Variants in EMB observed in about 807,000 individuals in gnomAD.
The protein encoded by EMB is embigin homolog.
EMB carries 31 observed loss-of-function variants against 41.4 expected under a neutral mutation model. That is an observed-to-expected ratio of 0.75 (90% confidence interval 0.56 to 1.01). The LOEUF is 1.01. EMB is among the 50% of genes least tolerant of loss of function. EMB has a pLI of 0.00. For missense variants in EMB, 379 were observed against 388.3 expected (o/e 0.98, Z 0.20); for synonymous variants, 137 against 140.4 (o/e 0.98, Z 0.17).
At chr5:50,442,783 C>T (rs868732560), upstream of EMB, among the ~76,000 whole-genome samples, 3 of 152,162 alleles carry the variant, frequency 2.0e-5, no homozygotes, top group African/African-American at 2.4e-5. Flanking sequence ...GCACACATTT[C>T]CCTATAATTA....
chr5:50,399,435 T>C (rs1483918705), intron 8 of EMB, 145 bp from the exon 9 acceptor site: 12 of 1,221,288 alleles, frequency 9.8e-6, no homozygotes, highest in African/African-American at 4.7e-5. Flanking sequence ...CTAATGTTGA[T>C]GAACTAAAAA....
At chr5:50,421,414 T>C (rs994148406) in intron 2 of EMB, among the ~76,000 whole-genome samples, 1 of 152,092 alleles carries the variant, frequency 6.6e-6, no homozygotes, top group South Asian at 2.1e-4. Context: ...GGAGAGGATG[T>C]GGAGAAATAG....
rs199814350 is a variant in EMB at position 50,397,479 on chromosome 5, G to C, written c.*1794C>G. ...CTTGAAAATTGTATGAGCCTCAATG[G>C]TTAGTGGTGGTAAAATGGAAGAATG... is the stretch of plus-strand genomic sequence containing the variant. On this transcript the variant is annotated 3_prime_UTR_variant, in exon 9 of 9. Transcript: ENST00000303221. The C allele has an allele frequency of 6.6e-6, 1 of 152,112 alleles. No homozygotes were observed. Among genetic ancestry groups the C allele is most frequent in the East Asian group, 1.9e-4 (1 of 5,180 alleles). The allele number at this position is 152,112 out of a possible 1,614,324, so 9.4% of individuals were successfully genotyped here. A position where few individuals can be genotyped will look rare whatever the true frequency, so the allele number is the denominator to read the frequency against.
chr5:50,440,599 A>T (rs1050261842), intron 1 of EMB, among the ~76,000 whole-genome samples: 2 of 150,372 alleles, frequency 1.3e-5, no homozygotes, highest in African/African-American at 2.4e-5. Flanking sequence ...GGAGGGAAGG[A>T]GGTGATACTC....
chr5:50,396,320 G>A lies in EMB; in HGVS notation c.*2953C>T, dbSNP rs572740666. On this transcript the variant is annotated 3_prime_UTR_variant, in exon 9 of 9. Coordinates refer to ENST00000303221, the MANE Select transcript of EMB (RefSeq NM_198449.3). ...TTAATTTTTATTTATACATTCATCC[G>A]TTCAATACACATTTCAAGAAAGCTG... 3.1e-4 allele frequency: 47 copies of A among 152,024 alleles called. 1 individual carries two copies. The highest frequency in any genetic ancestry group is 9.2e-4 in the African/African-American group (38 of 41,468). 9.4% of individuals were successfully genotyped at this position (152,024 alleles called of 1,614,324 possible). A position where few individuals can be genotyped will look rare whatever the true frequency, so the allele number is the denominator to read the frequency against.
chr5:50,420,420 T>C (rs571355687), intron 2 of EMB, among the ~76,000 whole-genome samples: 1 of 152,342 alleles, frequency 6.6e-6, no homozygotes, highest in East Asian at 1.9e-4. Flanking sequence ...GTGCTAACCA[T>C]GCAGACACTC....
intron 2 of EMB, among the ~76,000 whole-genome samples, chr5:50,413,069 C>T (rs368533453): frequency 9.2e-5 from 14 of 152,160 alleles, no homozygotes; most frequent in Non-Finnish European, 1.9e-4. Context: ...CACGCGCCCA[C>T]GCGCACACAC....
rs1224058494 is a variant in EMB, at chr5:50,398,467, CA to C, written c.*805del. 6.6e-6 allele frequency: 1 copy of C among 151,928 alleles called. No individual in the cohort carries two copies. Among genetic ancestry groups the C allele is most frequent in the Non-Finnish European group, 1.5e-5 (1 of 67,948 alleles). 9.4% of individuals were successfully genotyped at this position (151,928 alleles called of 1,614,324 possible). A position where few individuals can be genotyped will look rare whatever the true frequency, so the allele number is the denominator to read the frequency against. Reference sequence around the variant, plus strand: ...CAAAGAACCAGGAAACCATGAGCCACAAAAGCATCAGTGTAGCAGTGTTTTA... The same window carrying C: ...CAAAGAACCAGGAAACCATGAGCCACAAAGCATCAGTGTAGCAGTGTTTTA... On this transcript the variant is annotated 3_prime_UTR_variant, in exon 9 of 9. Coordinates refer to ENST00000303221, the MANE Select transcript of EMB (RefSeq NM_198449.3).
intron 1 of EMB, among the ~76,000 whole-genome samples, chr5:50,437,970 A>C (rs1253444856): frequency 6.6e-6 from 1 of 152,220 alleles, no homozygotes; most frequent in Non-Finnish European, 1.5e-5. Context: ...ATTTAATCAA[A>C]AAACCTTAAA....
intron 2 of EMB, among the ~76,000 whole-genome samples, chr5:50,416,452 T>C (rs1199765162): frequency 6.6e-6 from 1 of 152,200 alleles, no homozygotes; most frequent in African/African-American, 2.4e-5. Context: ...CTTGGGTCTA[T>C]TCAGGACCCA....
chr5:50,428,118 C>T (rs1745650835), intron 2 of EMB, 26 bp downstream of exon 2: 2 of 1,516,246 alleles, frequency 1.3e-6, no homozygotes, highest in African/African-American at 1.4e-5. Context: ...TTTCGAATTG[C>T]ATTATTTGAA....
chr5:50,434,865 G>A (rs1353130824), intron 1 of EMB, among the ~76,000 whole-genome samples: 1 of 152,128 alleles, frequency 6.6e-6, no homozygotes, highest in African/African-American at 2.4e-5. Flanking sequence ...GTGTTGTGAG[G>A]TTTGTTCTCC....
rs772660986 is a variant in EMB at position 50,411,269 on chromosome 5, T to C, written c.311A>G (p.Lys104Arg). ...GDLNAVNVTW[K>R]KDGEQLENNY... Reference sequence around the variant, plus strand: ...ATTCTCAAGTTGTTCACCATCTTTTTTCCAAGTCACATTTACTGCATTCAA... The same window carrying C: ...ATTCTCAAGTTGTTCACCATCTTTTCTCCAAGTCACATTTACTGCATTCAA... Residue 104 changes from lysine to arginine, a missense_variant, in exon 3 of 9, where the codon AAA becomes AGA. Physicochemically the swap from Lys to Arg is conservative, Grantham distance 26. Coordinates refer to ENST00000303221, the MANE Select transcript of EMB (RefSeq NM_198449.3). The C allele has an allele frequency of 1.2e-6, 2 of 1,613,142 alleles. No individual in the cohort carries two copies. Among genetic ancestry groups the C allele is most frequent in the Non-Finnish European group, 1.7e-6 (2 of 1,179,418 alleles).
chr5:50,434,502 G>A (rs1335970691), intron 1 of EMB, among the ~76,000 whole-genome samples: 10 of 152,146 alleles, frequency 6.6e-5, no homozygotes, highest in Admixed American at 4.6e-4. Flanking sequence ...CTGGAGGGAC[G>A]CTGAAATGCA....
chr5:50,418,099 TATTTA>T (rs1166937632), intron 2 of EMB, among the ~76,000 whole-genome samples: 5 of 152,258 alleles, frequency 3.3e-5, no homozygotes, highest in South Asian at 2.1e-4. Context: ...AACAATGCAG[TATTTA>T]ATTTGAGACA....
At chr5:50,422,375 G>A (rs1745539325) in intron 2 of EMB, among the ~76,000 whole-genome samples, 1 of 152,130 alleles carries the variant, frequency 6.6e-6, no homozygotes, top group South Asian at 2.1e-4. Flanking sequence ...ACATGCAGTT[G>A]GTGCATCAGG....
chr5:50,412,883 CT>C (rs34136923), intron 2 of EMB, among the ~76,000 whole-genome samples: 542 of 132,080 alleles, frequency 4.1e-3, no homozygotes, highest in African/African-American at 0.01. Context: ...TAAGTACAAG[CT>C]TTTTTTTTTT....
At chr5:50,435,001 T>C (rs546896344) in intron 1 of EMB, among the ~76,000 whole-genome samples, 9 of 152,338 alleles carry the variant, frequency 5.9e-5, no homozygotes, top group African/African-American at 2.2e-4. Flanking sequence ...CCTCAACACA[T>C]GTGATTTGTT....
chr5:50,417,789 G>T (rs544565869), intron 2 of EMB, among the ~76,000 whole-genome samples: 101 of 152,210 alleles, frequency 6.6e-4, no homozygotes, highest in Non-Finnish European at 1.3e-3. Context: ...ATCCTCAAAA[G>T]AAAGAGAAAT....
Sources: allele counts gnomAD v4.1 joint callset (sites outside exome capture counted in the v4.1 genomes callset), GRCh38; gene constraint gnomAD v4.1.1; transcripts MANE v1.5; gene names NCBI Gene and HGNC (gene_info 2026-07-23, HGNC 2026-07-21).